CFDP1: variants seen among roughly 807,000 people sequenced by gnomAD.
CFDP1 encodes chromatin remodeling protein CFDP1, also known as heterochromatin-stabilizing protein CFDP1.
A neutral mutation model predicts 40.1 loss-of-function variants in CFDP1; 31 were observed. The observed-to-expected ratio is 0.77, with a 90% CI of 0.58 to 1.04. The LOEUF is 1.04. Among genes scored for constraint, CFDP1 ranks in the 50% least tolerant of loss-of-function variants. The pLI is 0.00. For synonymous variants in CFDP1, 167 were observed against 120.0 expected, an observed-to-expected ratio of 1.39 and a Z score of -2.56; for missense variants, 423 against 343.4, an observed-to-expected ratio of 1.23 and a Z score of -1.83.
At chr16:75,433,087 G>A (rs1844997547) in intron 1 of CFDP1, among the ~76,000 whole-genome samples, 1 of 152,210 alleles carries the variant, frequency 6.6e-6, no homozygotes, top group Admixed American at 6.5e-5. Context: ...CTGCCCAACG[G>A]GAGGGGAGCA....
At chr16:75,381,632 C>G (rs1369032276) in intron 5 of CFDP1, among the ~76,000 whole-genome samples, 1 of 152,182 alleles carries the variant, frequency 6.6e-6, no homozygotes, top group African/African-American at 2.4e-5. Flanking sequence ...AGTCCAGGTT[C>G]TCTCTCTTTG....
At chr16:75,408,924 C>G (rs1036081034) in intron 4 of CFDP1, among the ~76,000 whole-genome samples, 4 of 151,948 alleles carry the variant, frequency 2.6e-5, no homozygotes, top group African/African-American at 9.7e-5. Flanking sequence ...GTGGTACGAT[C>G]TCGGCTCACT....
chr16:75,371,939 AACT>A (rs1345969408), intron 5 of CFDP1, among the ~76,000 whole-genome samples: 28 of 152,336 alleles, frequency 1.8e-4, no homozygotes, highest in Admixed American at 3.3e-4. Context: ...AAAAGGGAAA[AACT>A]ACTAATTTTC....
At chr16:75,368,752 C>T (rs1475219795) in intron 5 of CFDP1, among the ~76,000 whole-genome samples, 3 of 152,034 alleles carry the variant, frequency 2.0e-5, no homozygotes. Flanking sequence ...CGCAATCCTC[C>T]CACTTCAGCA....
chr16:75,302,791 T>C (rs750879665), intron 6 of CFDP1, among the ~76,000 whole-genome samples: 27 of 152,198 alleles, frequency 1.8e-4, no homozygotes, highest in Admixed American at 1.3e-4. Flanking sequence ...CTGCACTTCA[T>C]CCGGAGTCTT....
intron 5 of CFDP1, among the ~76,000 whole-genome samples, chr16:75,310,216 C>T (rs2078286804): frequency 6.6e-6 from 1 of 152,206 alleles, no homozygotes; most frequent in Non-Finnish European, 1.5e-5. Context: ...TTGCTCTCAC[C>T]AGCCAGCTTC....
intron 5 of CFDP1, among the ~76,000 whole-genome samples, chr16:75,360,786 T>C (rs1195128234): frequency 6.6e-6 from 1 of 152,250 alleles, no homozygotes; most frequent in Admixed American, 6.5e-5. Context: ...TTATATGTAA[T>C]ATTTAAGCAA....
At chr16:75,296,766 A>AC (rs1201399900) in intron 6 of CFDP1, among the ~76,000 whole-genome samples, 1 of 152,196 alleles carries the variant, frequency 6.6e-6, no homozygotes, top group Non-Finnish European at 1.5e-5. Flanking sequence ...CTCAAGGGCA[A>AC]CCCAGACAAA....
chr16:75,369,211 A>T, intron 5 of CFDP1, among the ~76,000 whole-genome samples: 1 of 152,158 alleles, frequency 6.6e-6, no homozygotes, highest in Non-Finnish European at 1.5e-5. Flanking sequence ...CGTCAGGCAT[A>T]GGAGAAATTA....
intron 1 of CFDP1, among the ~76,000 whole-genome samples, chr16:75,430,215 G>A (rs1467903110): frequency 6.6e-6 from 1 of 151,204 alleles, no homozygotes; most frequent in African/African-American, 2.5e-5. Context: ...CTGTTGCCCA[G>A]GCTGGAGTGC....
At chr16:75,366,164 T>C (rs1230405040) in intron 5 of CFDP1, among the ~76,000 whole-genome samples, 3 of 152,204 alleles carry the variant, frequency 2.0e-5, no homozygotes, top group Admixed American at 6.5e-5. Flanking sequence ...ATAAGTATAA[T>C]GTGGTATAGC....
chr16:75,397,605 AG>A (rs2079007672), intron 4 of CFDP1, among the ~76,000 whole-genome samples: 1 of 152,100 alleles, frequency 6.6e-6, no homozygotes, highest in Non-Finnish European at 1.5e-5. Context: ...GTTCGAGACC[AG>A]CCAGGCCAAC....
At chr16:75,320,185 G>A (rs1195867336) in intron 5 of CFDP1, among the ~76,000 whole-genome samples, 1 of 152,122 alleles carries the variant, frequency 6.6e-6, no homozygotes, top group African/African-American at 2.4e-5. Context: ...TGTCCTCCAA[G>A]GTTCATCCCA....
intron 1 of CFDP1, among the ~76,000 whole-genome samples, chr16:75,427,278 T>G (rs2079352663): frequency 6.6e-6 from 1 of 151,890 alleles, no homozygotes; most frequent in South Asian, 2.1e-4. Context: ...CGAGACAGTG[T>G]CTCGCTCTCT....
intron 4 of CFDP1, among the ~76,000 whole-genome samples, chr16:75,409,057 T>C (rs1177831129): frequency 2.0e-5 from 3 of 151,706 alleles, no homozygotes; most frequent in African/African-American, 7.3e-5. Context: ...CGGGGTTTCA[T>C]CATGTTGTTC....
chr16:75,415,876 G>A (rs1421152746), intron 1 of CFDP1, among the ~76,000 whole-genome samples: 1 of 151,960 alleles, frequency 6.6e-6, no homozygotes, highest in South Asian at 2.1e-4. Flanking sequence ...TTATTGAGAC[G>A]GAGTCTTGCT....
At chr16:75,327,748 T>C (rs1413742624) in intron 5 of CFDP1, among the ~76,000 whole-genome samples, 2 of 152,064 alleles carry the variant, frequency 1.3e-5, no homozygotes, top group East Asian at 3.9e-4. Flanking sequence ...TTTGAGACAG[T>C]GTTTGACTCT....
rs1471564661 is a variant in CFDP1, at chr16:75,315,408, C to T, written c.651-10226G>A. Among the ~76,000 whole-genome samples, 7 of 136,206 alleles carry T rather than the reference C, an allele frequency of 5.1e-5. No homozygotes were observed. The South Asian group carries it at 9.4e-4, about 18-fold the overall frequency. 89.4% of individuals were successfully genotyped at this position (136,206 alleles called of 152,430 possible). Reference sequence around the variant, plus strand: ...AATTTATAATGATGATACTCAATAACGAGAAATGGGGCGCTGGCATTAATG... The same window carrying T: ...AATTTATAATGATGATACTCAATAATGAGAAATGGGGCGCTGGCATTAATG... On this transcript the variant is annotated intron_variant, in intron 5 of 6. Transcript: ENST00000283882.
intron 5 of CFDP1, among the ~76,000 whole-genome samples, chr16:75,349,650 C>CAA (rs61472076): frequency 8.6e-5 from 2 of 23,244 alleles, no homozygotes; most frequent in Non-Finnish European, 1.7e-4. Context: ...GACTCCGTCT[C>CAA]AAAAAAAAAA....
Sources: allele counts gnomAD v4.1 joint callset (sites outside exome capture counted in the v4.1 genomes callset), GRCh38; gene constraint gnomAD v4.1.1; transcripts MANE v1.5; gene names NCBI Gene and HGNC (gene_info 2026-07-23, HGNC 2026-07-21).